Variants in CAMK2B observed in about 807,000 individuals in gnomAD.
CAMK2B encodes the protein calcium/calmodulin dependent protein kinase II beta, also known as calcium/calmodulin-dependent protein kinase type II subunit beta.
Under a neutral mutation model 93.7 loss-of-function variants are expected in CAMK2B, and 27 were observed. The ratio of observed to expected loss-of-function variants is 0.29; its 90% CI spans 0.21 to 0.40. The LOEUF (loss-of-function observed/expected upper bound fraction) is 0.40, where lower values mean the gene tolerates loss of function less well. Among genes scored for constraint, CAMK2B ranks in the 10% least tolerant of loss-of-function variants. The pLI is 1.00. For synonymous variants in CAMK2B, 374 were observed against 358.8 expected, an observed-to-expected ratio of 1.04 and a Z score of -0.48; for missense variants, 568 against 895.8, an observed-to-expected ratio of 0.63 and a Z score of 4.67.
In CAMK2B at chr7:44,325,508, G is replaced by T; in HGVS notation, c.-87C>A. 1.3e-6 allele frequency: 1 copy of T among 793,940 alleles called. No individual in the cohort carries two copies. Among genetic ancestry groups the T allele is most frequent in the South Asian group, 5.4e-5 (1 of 18,400 alleles). The allele number at this position is 793,940 out of a possible 1,614,324, so 49.2% of individuals were successfully genotyped here. A position where few individuals can be genotyped will look rare whatever the true frequency, so the allele number is the denominator to read the frequency against. On this transcript the variant is annotated 5_prime_UTR_variant, in exon 1 of 24. Transcript: ENST00000395749. ...CCGCTCGCGGGCACGGCGGCGACAC[G>T]GGCGCGGGCGCGGGAGACACCTCGG... is the stretch of plus-strand genomic sequence containing the variant.
chr7:44,239,536 C>T, intron 13 of CAMK2B, 53 bp downstream of exon 13: 7 of 1,472,860 alleles, frequency 4.8e-6, no homozygotes, highest in African/African-American at 1.4e-5. Flanking sequence ...GGGCTGCATG[C>T]TGGCAGGAGG....
chr7:44,265,738 G>C (rs537900752), intron 2 of CAMK2B, among the ~76,000 whole-genome samples: 23 of 152,310 alleles, frequency 1.5e-4, no homozygotes, highest in African/African-American at 5.3e-4. Context: ...AGGGCACCTG[G>C]CTGTCCAGTC....
chr7:44,228,779 TG>T lies in CAMK2B; in HGVS notation c.1468+16del. On this transcript the variant is annotated intron_variant, in intron 19 of 23. Coordinates refer to ENST00000395749, the MANE Select transcript of CAMK2B (RefSeq NM_001220.5). ...TGTCCGGCAGCAGAGGCGGCAGGCC[TG>T]GGGGCCACTACTTACACGGGGAGGA... 6.9e-7 allele frequency: 1 copy of T among 1,455,972 alleles called. No homozygotes were observed. The highest frequency in any genetic ancestry group is 1.5e-5 in the South Asian group (1 of 68,340). The allele number at this position is 1,455,972 out of a possible 1,614,324, so 90.2% of individuals were successfully genotyped here.
intron 18 of CAMK2B, 152 bp from the exon 19 acceptor site, chr7:44,229,076 G>GC (rs760263712): frequency 7.4e-5 from 57 of 766,474 alleles, no homozygotes; most frequent in Admixed American, 2.9e-4. Flanking sequence ...ATAGCAGGGA[G>GC]CCCCCCCGCC....
chr7:44,316,179 T>C (rs930852731), intron 1 of CAMK2B, among the ~76,000 whole-genome samples: 15 of 152,208 alleles, frequency 9.9e-5, no homozygotes, highest in African/African-American at 3.6e-4. Context: ...ATGTATTTTA[T>C]CAAGTTAAGG....
Position 44,325,426 on chromosome 7 carries a change from G to T in CAMK2B, c.-5C>A. 3 of 1,150,328 alleles carry T rather than the reference G, an allele frequency of 2.6e-6. No individual in the cohort carries two copies. The highest frequency in any genetic ancestry group is 2.2e-6 in the Non-Finnish European group (2 of 915,974). 71.3% of individuals were successfully genotyped at this position (1,150,328 alleles called of 1,614,324 possible). On this transcript the variant is annotated 5_prime_UTR_variant, in exon 1 of 24. Coordinates refer to ENST00000395749, the MANE Select transcript of CAMK2B (RefSeq NM_001220.5). ...GCAGGTCACCGTGGTGGCCATGGCG[G>T]CGGCGGACGGGCTCGGCGTGCGCTC...
intron 1 of CAMK2B, among the ~76,000 whole-genome samples, chr7:44,320,780 C>G (rs993762937): frequency 3.3e-5 from 5 of 152,252 alleles, no homozygotes; most frequent in African/African-American, 9.6e-5. Flanking sequence ...TGCTGGCCTC[C>G]TGGGAGCCAG....
intron 1 of CAMK2B, among the ~76,000 whole-genome samples, chr7:44,324,225 G>T (rs901739445): frequency 1.3e-5 from 2 of 152,264 alleles, no homozygotes; most frequent in African/African-American, 4.8e-5. Context: ...AGGAAAAAAA[G>T]GATCTGTTGC....
rs377504023 is a variant in CAMK2B at position 44,242,544 on chromosome 7, G to C, written c.696+16C>G. The C allele has an allele frequency of 6.3e-7, 1 of 1,589,870 alleles. No homozygotes were observed. Among genetic ancestry groups the C allele is most frequent in the Non-Finnish European group, 8.6e-7 (1 of 1,162,792 alleles). ...TGGAGGAAGGGAGCTCATCAGAGAG[G>C]GGCTGGTGCACTCACGTCATAGGCA... On this transcript the variant is annotated intron_variant, in intron 9 of 23. Transcript: ENST00000395749.
chr7:44,286,553 G>A lies in CAMK2B; in HGVS notation c.66-2328C>T, dbSNP rs1785181292. Among the ~76,000 whole-genome samples, 1 of 152,224 alleles carries A rather than the reference G, an allele frequency of 6.6e-6. No homozygotes were observed. The highest frequency in any genetic ancestry group is 6.5e-5 in the Admixed American group (1 of 15,292). On this transcript the variant is annotated intron_variant, in intron 1 of 23. Transcript: ENST00000395749. This position sits in a 1 kb window ranked among gnomAD's most constrained non-coding sequence, Gnocchi z 4.0. ...CCAGACTCAGACAGGTACCGGAGCA[G>A]AGGGCGGCAAGCCACAGCTGTTCCT... is the stretch of plus-strand genomic sequence containing the variant.
At chr7:44,302,341 A>G (rs1790295613) in intron 1 of CAMK2B, among the ~76,000 whole-genome samples, 1 of 152,240 alleles carries the variant, frequency 6.6e-6, no homozygotes, top group Non-Finnish European at 1.5e-5. Context: ...AAATCATATC[A>G]ATTCTCTAAA....
At chr7:44,238,832 G>T (rs953579961) in intron 13 of CAMK2B, among the ~76,000 whole-genome samples, 3 of 152,172 alleles carry the variant, frequency 2.0e-5, no homozygotes, top group African/African-American at 4.8e-5. Flanking sequence ...TTCAGCTCAG[G>T]CTGGAGCTGC....
At chr7:44,237,052 T>C (rs3757837) in intron 13 of CAMK2B, among the ~76,000 whole-genome samples, 22,834 of 152,256 alleles carry the variant, frequency 0.15, 1,813 homozygotes, top group South Asian at 0.24. Context: ...GAGGGGACAG[T>C]CAGGCACGTA....
chr7:44,227,786 A>AG (rs1459512227), intron 19 of CAMK2B, among the ~76,000 whole-genome samples: 2 of 27,694 alleles, frequency 7.2e-5, no homozygotes, highest in Non-Finnish European at 1.3e-4. Context: ...TGGGGGACAG[A>AG]GGAGGGTGTG....
At position 44,219,344 on chromosome 7, in the gene CAMK2B, G is replaced by GTTTTTTTTTTT. The variant is rs59312365; in HGVS notation, c.*170_*180dup. ...TTTTTGTGGTTGTCGTCGTCATCTT[G>GTTTTTTTTTTT]TTTTTTTTTTTTTTTTTTTTGTTTT... is the stretch of plus-strand genomic sequence containing the variant. On this transcript the variant is annotated 3_prime_UTR_variant, in exon 24 of 24. Transcript: ENST00000395749. 2.6e-4 allele frequency: 9 copies of GTTTTTTTTTTT among 35,180 alleles called. No individual in the cohort carries two copies. Among genetic ancestry groups the GTTTTTTTTTTT allele is most frequent in the African/African-American group, 5.2e-4 (5 of 9,584 alleles). The allele number at this position is 35,180 out of a possible 1,614,324, so 2.2% of individuals were successfully genotyped here.
intron 20 of CAMK2B, among the ~76,000 whole-genome samples, chr7:44,221,908 A>G (rs902275532): frequency 6.6e-6 from 1 of 152,094 alleles, no homozygotes; most frequent in African/African-American, 2.4e-5. Context: ...ACATTTTCCT[A>G]TTTGCTTTAG....
At chr7:44,223,602 CCAGCTG>C (rs2096439097) in intron 20 of CAMK2B, among the ~76,000 whole-genome samples, 1 of 152,068 alleles carries the variant, frequency 6.6e-6, no homozygotes, top group Admixed American at 6.5e-5. Context: ...CGCCCCCGCC[CCAGCTG>C]CTATGTTCCT....
At chr7:44,270,934 T>TC (rs367762280) in intron 2 of CAMK2B, among the ~76,000 whole-genome samples, 19 of 152,262 alleles carry the variant, frequency 1.2e-4, no homozygotes, top group African/African-American at 4.6e-4. Context: ...TCTTTTCTTT[T>TC]TTTTGATGGA....
intron 2 of CAMK2B, among the ~76,000 whole-genome samples, chr7:44,270,845 C>A (rs2096967841): frequency 1.3e-5 from 2 of 152,348 alleles, no homozygotes; most frequent in Middle Eastern, 3.4e-3. Context: ...CAAGACCCAT[C>A]AGCCCCAGGT....
Sources: gnomAD v4.1 joint callset for allele counts (sites outside exome capture counted in the v4.1 genomes callset) on GRCh38, gnomAD v4.1.1 for gene constraint, Gnocchi (gnomAD v3.1) non-coding constraint, MANE v1.5 for transcripts, NCBI Gene and HGNC (gene_info 2026-07-23, HGNC 2026-07-21) for gene names.